SPC25: variants seen among roughly 807,000 people sequenced by gnomAD.
SPC25 encodes kinetochore protein Spc25.
SPC25 carries 22 observed loss-of-function variants against 29.6 expected under a neutral mutation model. The ratio of observed to expected loss-of-function variants is 0.74; its 90% CI spans 0.53 to 1.06. The LOEUF is 1.06. Ranked by LOEUF, SPC25 falls within the 50% of genes least tolerant of loss-of-function variation. The pLI, the probability that SPC25 is intolerant of heterozygous loss-of-function variation, is 0.00. For synonymous variants in SPC25, 91 were observed against 90.4 expected, an observed-to-expected ratio of 1.01 and a Z score of -0.04; for missense variants, 230 against 255.8, an observed-to-expected ratio of 0.90 and a Z score of 0.69.
chr2:168,885,222 C>T lies in SPC25; in HGVS notation c.199+4004G>A, dbSNP rs554054726. On this transcript the variant is annotated intron_variant, in intron 3 of 6. Transcript: ENST00000282074. The stretch of plus-strand genomic sequence containing the variant: ...CTTTCAATCCCTCACTTAGTAAATG[C>T]ATCACCACTGATTCATACTCCATGT... 2.6e-5 allele frequency among the ~76,000 whole-genome samples: 4 copies of T among 152,272 alleles called. No homozygotes were observed. The South Asian group carries it at 8.3e-4, about 32-fold the overall frequency.
chr2:168,888,115 C>T (rs1690301490), intron 3 of SPC25, among the ~76,000 whole-genome samples: 1 of 152,048 alleles, frequency 6.6e-6, no homozygotes, highest in Non-Finnish European at 1.5e-5. Context: ...CCCATCTCTA[C>T]AAAAAATATG....
At chr2:168,890,223 C>T (rs1690370908) in intron 1 of SPC25, 95 bp downstream of exon 1, 2 of 678,842 alleles carry the variant, frequency 2.9e-6, no homozygotes, top group Admixed American at 6.3e-5. Context: ...ATTTCACAAA[C>T]GCCGCCGCAA....
chr2:168,862,902 A>C (rs1689557573), intron 4 of SPC25, among the ~76,000 whole-genome samples: 1 of 152,218 alleles, frequency 6.6e-6, no homozygotes. Context: ...GCCAATGGAA[A>C]ATCAAGATAC....
chr2:168,871,579 CAA>C, intron 6 of SPC25, 24 bp from the exon 7 acceptor site: 1 of 1,537,450 alleles, frequency 6.5e-7, no homozygotes, highest in Non-Finnish European at 8.7e-7. Context: ...AAAAAGAAAT[CAA>C]AGACAATTAG....
intron 3 of SPC25, among the ~76,000 whole-genome samples, chr2:168,888,620 G>C (rs940578155): frequency 5.3e-5 from 8 of 151,964 alleles, no homozygotes; most frequent in Non-Finnish European, 1.2e-4. Context: ...TATATTGATA[G>C]GTTAGTTGTG....
At chr2:168,885,656 T>C (rs1392970572) in intron 3 of SPC25, among the ~76,000 whole-genome samples, 1 of 149,016 alleles carries the variant, frequency 6.7e-6, no homozygotes, top group African/African-American at 2.5e-5. Context: ...GTTCCTGCCA[T>C]ATTCCATGTG....
In SPC25 at chr2:168,884,323, G is replaced by C. The variant is rs368569296; in HGVS notation, c.199+4903C>G. ...TAAAACAGGGATAATCTCTGTCTTA[G>C]ACAGACTTCAGGATTTATAATAATG... On this transcript the variant is annotated intron_variant, in intron 3 of 6. Transcript: ENST00000282074. 1.9e-4 allele frequency among the ~76,000 whole-genome samples: 29 copies of C among 152,288 alleles called. No individual in the cohort carries two copies. The East Asian group carries it at 2.1e-3, about 11-fold the overall frequency.
intron 3 of SPC25, among the ~76,000 whole-genome samples, chr2:168,883,933 G>A (rs1690217563): frequency 1.3e-5 from 2 of 151,988 alleles, no homozygotes; most frequent in Admixed American, 1.3e-4. Flanking sequence ...ACCACGCCCA[G>A]CTAATTTTTA....
chr2:168,882,159 T>C (rs1690186586), intron 3 of SPC25, among the ~76,000 whole-genome samples: 1 of 152,224 alleles, frequency 6.6e-6, no homozygotes, highest in Non-Finnish European at 1.5e-5. Flanking sequence ...ATATGATAAA[T>C]GAAATATCAA....
intron 4 of SPC25, 40 bp downstream of exon 4, chr2:168,877,198 T>C (rs747509093): frequency 1.9e-5 from 30 of 1,602,006 alleles, no homozygotes; most frequent in Non-Finnish European, 2.5e-5. Context: ...CCGTCACCAC[T>C]TTCCATTTTA....
intron 4 of SPC25, chr2:168,863,628 G>GA: frequency 1.0e-6 from 1 of 984,116 alleles, no homozygotes; most frequent in Non-Finnish European, 1.2e-6. Context: ...GTTGAATGGG[G>GA]AGTTACATTT....
chr2:168,878,574 T>C (rs564939653), intron 3 of SPC25, among the ~76,000 whole-genome samples: 191 of 152,278 alleles, frequency 1.3e-3, no homozygotes, highest in South Asian at 6.4e-3. Context: ...CTGGTAAAAC[T>C]ATAAGGAAAA....
At chr2:168,886,248 G>T (rs7582529) in intron 3 of SPC25, among the ~76,000 whole-genome samples, 46,895 of 151,592 alleles carry the variant, frequency 0.31, 8,166 homozygotes, top group East Asian at 0.56. Flanking sequence ...TTGAGACAAG[G>T]TCTCACTATA....
chr2:168,865,061 T>C (rs967331463), intron 4 of SPC25: 1 of 1,415,774 alleles, frequency 7.1e-7, no homozygotes, highest in Non-Finnish European at 9.6e-7. Flanking sequence ...CTTTACATGT[T>C]TTTCTTTTGA....
downstream of SPC25, chr2:168,870,840 A>ATTATTGG (rs1206827143): frequency 3.3e-5 from 5 of 151,518 alleles, no homozygotes; most frequent in East Asian, 9.6e-4. Context: ...CATTTGACCC[A>ATTATTGG]GCCCTCCCAT....
rs1385289976 is a variant in SPC25, at chr2:168,877,341, G to C, written c.243C>G (p.Asn81Lys). 2.5e-6 allele frequency: 4 copies of C among 1,613,494 alleles called. No individual in the cohort carries two copies. Among genetic ancestry groups the C allele is most frequent in the Non-Finnish European group, 3.4e-6 (4 of 1,179,826 alleles). Residue 81 changes from asparagine to lysine, a missense_variant, in exon 4 of 7, where the codon AAC (asparagine) becomes AAG (lysine). Asn to Lys is a moderately conservative substitution (Grantham distance 94). Coordinates refer to ENST00000282074, the MANE Select transcript of SPC25 (RefSeq NM_020675.4). ...QNKLIQEKKD[N>K]LLKLIAEVKG... ...TTACTTCAGCAATCAATTTTAACAA[G>C]TTATCCTTTTTTTCTTGAATGAGCT...
At chr2:168,890,266 C>T (rs1404427465) in intron 1 of SPC25, 52 bp downstream of exon 1, 8 of 917,330 alleles carry the variant, frequency 8.7e-6, no homozygotes, top group Non-Finnish European at 1.0e-5. Flanking sequence ...TTCACTTTCC[C>T]TTATTGCGAC....
At chr2:168,865,132 C>A in intron 4 of SPC25, 1 of 757,898 alleles carries the variant, frequency 1.3e-6, no homozygotes, top group Non-Finnish European at 2.1e-6. Flanking sequence ...TAGCTTGAAA[C>A]AGTCAGAAAA....
In SPC25 at chr2:168,871,212, TG is replaced by T. The variant is rs1689975025; in HGVS notation, c.*218del. 5.6e-6 allele frequency: 1 copy of T among 179,920 alleles called. No homozygotes were observed. The highest frequency in any genetic ancestry group is 9.7e-6 in the Non-Finnish European group (1 of 103,564). The allele number at this position is 179,920 out of a possible 1,614,324, so 11.1% of individuals were successfully genotyped here. On this transcript the variant is annotated 3_prime_UTR_variant, in exon 7 of 7. Coordinates refer to ENST00000282074, the MANE Select transcript of SPC25 (RefSeq NM_020675.4). ...TCACACAACGGGGACTGTTGTGGGTTGGGGGAGGGGGGAGGGATAGCATTAG... is the reference window on the plus strand; with the variant it reads ...TCACACAACGGGGACTGTTGTGGGTTGGGGAGGGGGGAGGGATAGCATTAG...
Sources: gnomAD v4.1 joint callset for allele counts (sites outside exome capture counted in the v4.1 genomes callset) on GRCh38, gnomAD v4.1.1 for gene constraint, MANE v1.5 for transcripts, NCBI Gene and HGNC (gene_info 2026-07-23, HGNC 2026-07-21) for gene names.